The following RPSA2 variants were observed in gnomAD, a reference collection of about 807,000 sequenced individuals.
RPSA2 encodes ribosomal protein SA 2.
the RPSA2 span, chr19:23,790,843 G>T: frequency 1.9e-6 from 1 of 533,924 alleles, no homozygotes; most frequent in Non-Finnish European, 3.4e-6. Flanking sequence ...AGCAGCTGTG[G>T]TGGGACTCAG....
the RPSA2 span, among the ~76,000 whole-genome samples, chr19:23,772,054 C>A: frequency 6.6e-6 from 1 of 151,798 alleles, no homozygotes; most frequent in Admixed American, 6.6e-5. Flanking sequence ...ACTAGACCTA[C>A]CACCTATGGG....
chr19:23,827,391 T>C, the RPSA2 span: 2 of 1,472,752 alleles, frequency 1.4e-6, no homozygotes, highest in Middle Eastern at 4.1e-4. Flanking sequence ...GTCAGTGTTA[T>C]ATCCTCCAGG....
the RPSA2 span, among the ~76,000 whole-genome samples, chr19:23,812,562 A>T: frequency 6.6e-6 from 1 of 151,522 alleles, no homozygotes; most frequent in African/African-American, 2.4e-5. Flanking sequence ...GGCCTGGCAA[A>T]TTTTGTATTT....
chr19:23,783,530 GA>G, the RPSA2 span, among the ~76,000 whole-genome samples: 1 of 115,034 alleles, frequency 8.7e-6, no homozygotes, highest in Non-Finnish European at 1.8e-5. Flanking sequence ...TATTCTGCTT[GA>G]GCACTGCCAA....
the RPSA2 span, among the ~76,000 whole-genome samples, chr19:23,856,858 C>T: frequency 6.2e-3 from 939 of 152,188 alleles, 9 homozygotes; most frequent in African/African-American, 0.022. Context: ...ACAAAGATCA[C>T]GTGCTTCAAA....
the RPSA2 span, among the ~76,000 whole-genome samples, chr19:23,824,255 G>T: frequency 6.6e-6 from 1 of 152,242 alleles, no homozygotes; most frequent in Non-Finnish European, 1.5e-5. Flanking sequence ...TGACCTTGCA[G>T]CTGCATTGGG....
the RPSA2 span, among the ~76,000 whole-genome samples, chr19:23,817,275 G>A: frequency 1.3e-4 from 20 of 152,202 alleles, no homozygotes; most frequent in Non-Finnish European, 2.2e-4. Flanking sequence ...CCAGCTACTC[G>A]GGAGGCTGAG....
chr19:23,808,299 T>C, the RPSA2 span, among the ~76,000 whole-genome samples: 12 of 110,908 alleles, frequency 1.1e-4, no homozygotes, highest in African/African-American at 4.1e-4. Context: ...AGATGGAGTC[T>C]TGCTCTGTCA....
chr19:23,866,176 A>G, the RPSA2 span, among the ~76,000 whole-genome samples: 1 of 152,188 alleles, frequency 6.6e-6, no homozygotes, highest in Non-Finnish European at 1.5e-5. Context: ...TTTGGAGCAC[A>G]ATTCCTGAAG....
the RPSA2 span, among the ~76,000 whole-genome samples, chr19:23,773,316 C>A: frequency 2.0e-5 from 3 of 150,240 alleles, no homozygotes; most frequent in Non-Finnish European, 4.4e-5. Context: ...GACAGAGTCT[C>A]ACTGTCACCC....
the RPSA2 span, among the ~76,000 whole-genome samples, chr19:23,761,088 A>ATGTG: frequency 4.1e-3 from 604 of 146,496 alleles, 5 homozygotes; most frequent in African/African-American, 0.012. Context: ...GTATATATAT[A>ATGTG]TGTGTGTGTG....
chr19:23,860,054 AC>A, the RPSA2 span, among the ~76,000 whole-genome samples: 1 of 152,152 alleles, frequency 6.6e-6, no homozygotes, highest in Non-Finnish European at 1.5e-5. Context: ...TTTGCATTGC[AC>A]TTTGCTGAAC....
At chr19:23,810,946 A>C in the RPSA2 span, among the ~76,000 whole-genome samples, 148,608 of 151,916 alleles carry the variant, frequency 0.98, 72,775 homozygotes, top group Middle Eastern at 1. Context: ...TATCTTCAAT[A>C]TTGGGCTTTA....
At chr19:23,827,465 C>G in the RPSA2 span, 2 of 1,571,490 alleles carry the variant, frequency 1.3e-6, no homozygotes, top group African/African-American at 1.3e-5. Context: ...AATTGCTGGC[C>G]GCTTCACTCC....
At chr19:23,833,267 GC>G in the RPSA2 span, 2 of 910,150 alleles carry the variant, frequency 2.2e-6, no homozygotes, top group African/African-American at 1.8e-5. Context: ...ACAACTTAAT[GC>G]ACATAAGATA....
At chr19:23,805,383 C>G in the RPSA2 span, among the ~76,000 whole-genome samples, 1 of 152,032 alleles carries the variant, frequency 6.6e-6, no homozygotes, top group African/African-American at 2.4e-5. Flanking sequence ...AGGCTGGTCT[C>G]GAACTCCCTA....
the RPSA2 span, among the ~76,000 whole-genome samples, chr19:23,805,759 C>T: frequency 7.2e-5 from 11 of 152,102 alleles, no homozygotes; most frequent in African/African-American, 2.7e-4. Flanking sequence ...TTAGTATGTG[C>T]AAATCTTTAC....
chr19:23,785,862 C>T, the RPSA2 span, among the ~76,000 whole-genome samples: 1 of 152,146 alleles, frequency 6.6e-6, no homozygotes, highest in African/African-American at 2.4e-5. Context: ...CCTCGGTCTC[C>T]TTTTTTGTAC....
the RPSA2 span, among the ~76,000 whole-genome samples, chr19:23,856,158 A>G: frequency 0.016 from 2,482 of 152,206 alleles, 64 homozygotes; most frequent in African/African-American, 0.055. Context: ...GGGTTGCCAG[A>G]TTCAGAAAAT....
Sources: gnomAD v4.1 joint callset for allele counts (sites outside exome capture counted in the v4.1 genomes callset) on GRCh38, gnomAD v4.1.1 for gene constraint, MANE v1.5 for transcripts, NCBI Gene and HGNC (gene_info 2026-07-23, HGNC 2026-07-21) for gene names.